The following ZNF366 variants were observed in gnomAD, a reference collection of about 807,000 sequenced individuals.
The protein encoded by ZNF366 is dendritic cell-specific transcript protein.
A neutral mutation model predicts 47.2 loss-of-function variants in ZNF366; 20 were observed. The ratio of observed to expected loss-of-function variants is 0.42; its 90% CI spans 0.30 to 0.62. The LOEUF (loss-of-function observed/expected upper bound fraction) is 0.62. Ranked by LOEUF, ZNF366 falls within the 20% of genes least tolerant of loss-of-function variation. The probability of loss-of-function intolerance (pLI) is 0.16; values close to 1 mark genes in which losing one functional copy is unlikely to be tolerated. For missense variants in ZNF366, 987 were observed against 976.3 expected, an observed-to-expected ratio of 1.01 and a Z score of -0.15; for synonymous variants, 421 against 395.1, an observed-to-expected ratio of 1.07 and a Z score of -0.78.
chr5:72,495,604 G>A (rs748653132), intron 1 of ZNF366, among the ~76,000 whole-genome samples: 2 of 152,200 alleles, frequency 1.3e-5, no homozygotes, highest in Non-Finnish European at 2.9e-5. Context: ...GAACAAAGCC[G>A]TTGGTTGTGA....
intron 3 of ZNF366, among the ~76,000 whole-genome samples, chr5:72,454,502 G>A (rs1227787193): frequency 3.9e-5 from 6 of 152,304 alleles, no homozygotes; most frequent in Non-Finnish European, 7.3e-5. Flanking sequence ...TTTCAGGAAC[G>A]TTTTCTGCCT....
chr5:72,460,493 T>C lies in ZNF366; in HGVS notation c.1004A>G (p.Lys335Arg). ...GCCGCACACGCGGCAGTTGTGCGGC[T>C]TCACCTCGCTGTGCTGCATCATGTG... is the stretch of plus-strand genomic sequence containing the variant. ...KRHMMQHSEV[K>R]PHNCRVCGRG... is the part of the protein sequence containing the mutation. The change falls in exon 2 of 5, where the codon AAG becomes AGG. Residue 335 changes from lysine (K) to arginine (R), a missense_variant. This residue lies in a region of ZNF366 where 591 missense variants were observed against 560.9 expected (regional missense o/e 1.05). Transcript: ENST00000318442. 1.9e-6 allele frequency: 3 copies of C among 1,613,956 alleles called. No homozygotes were observed. The highest frequency in any genetic ancestry group is 2.5e-6 in the Non-Finnish European group (3 of 1,179,962).
intron 1 of ZNF366, among the ~76,000 whole-genome samples, chr5:72,486,784 T>TC (rs779382023): frequency 6.6e-6 from 1 of 152,102 alleles, no homozygotes; most frequent in Non-Finnish European, 1.5e-5. Context: ...ATTTTCCTTT[T>TC]CTTTTTTTTT....
At chr5:72,466,774 A>G (rs773460518) in intron 1 of ZNF366, among the ~76,000 whole-genome samples, 1 of 152,246 alleles carries the variant, frequency 6.6e-6, no homozygotes, top group East Asian at 1.9e-4. Context: ...CAGCACATCT[A>G]TAAGTTATTA....
chr5:72,485,727 A>G (rs1743878029), intron 1 of ZNF366, among the ~76,000 whole-genome samples: 3 of 152,326 alleles, frequency 2.0e-5, no homozygotes, highest in South Asian at 4.1e-4. Flanking sequence ...ATTTCAGAGT[A>G]AAAGCCACAG....
intron 4 of ZNF366, 143 bp from the exon 5 acceptor site, chr5:72,444,434 G>A: frequency 1.0e-6 from 1 of 1,002,262 alleles, no homozygotes; most frequent in Non-Finnish European, 1.4e-6. Flanking sequence ...ATGTGGTCTT[G>A]GGAGGCTTGT....
rs566346096 is a variant in ZNF366 at position 72,485,181 on chromosome 5, A to G, written c.-15+22070T>C. Among the ~76,000 whole-genome samples, 16 of 152,352 alleles carry G rather than the reference A, an allele frequency of 1.1e-4. No homozygotes were observed. In the South Asian group the frequency reaches 3.1e-3, roughly 30 times the overall value. ...AAATGCGGAAAAAATATTTTTCAAC[A>G]TTGACACTCAGCACATGTTAGAGTG... On this transcript the variant is annotated intron_variant, in intron 1 of 4. Transcript: ENST00000318442.
intron 1 of ZNF366, among the ~76,000 whole-genome samples, chr5:72,489,459 CT>C (rs1437323549): frequency 6.6e-6 from 1 of 152,072 alleles, no homozygotes; most frequent in Non-Finnish European, 1.5e-5. Context: ...CTCATCCATC[CT>C]GACTAATATA....
chr5:72,471,061 T>A (rs1743552568), intron 1 of ZNF366, among the ~76,000 whole-genome samples: 2 of 152,220 alleles, frequency 1.3e-5, no homozygotes, highest in African/African-American at 2.4e-5. Context: ...CCCACATTCC[T>A]GCAAATACAG....
At chr5:72,483,038 C>T (rs1743819865) in intron 1 of ZNF366, among the ~76,000 whole-genome samples, 1 of 152,092 alleles carries the variant, frequency 6.6e-6, no homozygotes, top group Non-Finnish European at 1.5e-5. Context: ...TCTGTAGATG[C>T]TGTTTTAAAG....
chr5:72,454,767 C>T (rs185519003), intron 3 of ZNF366, among the ~76,000 whole-genome samples: 5 of 152,260 alleles, frequency 3.3e-5, no homozygotes, highest in Admixed American at 2.6e-4. Flanking sequence ...GACAGTAAAC[C>T]CTTTGCAAGA....
chr5:72,506,453 G>A (rs894421005), intron 1 of ZNF366, among the ~76,000 whole-genome samples: 11 of 152,144 alleles, frequency 7.2e-5, no homozygotes, highest in African/African-American at 2.4e-4. Flanking sequence ...TTGGTGCTTG[G>A]AAAACCAGGC....
In ZNF366 at chr5:72,494,447, A is replaced by T. The variant is rs564339750; in HGVS notation, c.-15+12804T>A. 2.0e-5 allele frequency among the ~76,000 whole-genome samples: 3 copies of T among 152,342 alleles called. No homozygotes were observed. In the East Asian group the frequency reaches 5.8e-4, roughly 29 times the overall value. ...AAATACAGTTCTGATGCAGTTAAGA[A>T]GAGCAGACAGACATGAAAGAATTAT... On this transcript the variant is annotated intron_variant, in intron 1 of 4. Transcript: ENST00000318442.
At chr5:72,483,032 T>C (rs1462001367) in intron 1 of ZNF366, among the ~76,000 whole-genome samples, 3 of 152,158 alleles carry the variant, frequency 2.0e-5, no homozygotes, top group African/African-American at 7.2e-5. Context: ...TCTTTCTCTG[T>C]AGATGCTGTT....
At chr5:72,453,800 G>T (rs1272921635) in intron 3 of ZNF366, among the ~76,000 whole-genome samples, 1 of 152,218 alleles carries the variant, frequency 6.6e-6, no homozygotes, top group Non-Finnish European at 1.5e-5. Context: ...GAGACAGAGG[G>T]CTGTGAGTCA....
At chr5:72,474,962 G>T (rs943649801) in intron 1 of ZNF366, among the ~76,000 whole-genome samples, 6 of 152,060 alleles carry the variant, frequency 3.9e-5, no homozygotes, top group Non-Finnish European at 7.4e-5. Context: ...AAGAAAGGAG[G>T]GGTAGCATAA....
chr5:72,497,902 T>C (rs1251442793), intron 1 of ZNF366, among the ~76,000 whole-genome samples: 1 of 152,222 alleles, frequency 6.6e-6, no homozygotes, highest in African/African-American at 2.4e-5. Context: ...CTATATTTCA[T>C]TTTATGTGAA....
At chr5:72,447,220 G>A in intron 4 of ZNF366, 23 bp downstream of exon 4, 1 of 1,612,756 alleles carries the variant, frequency 6.2e-7, no homozygotes. Flanking sequence ...CTGACTTGCA[G>A]GGCTTCCCAG....
At chr5:72,471,998 C>A (rs1453306337) in intron 1 of ZNF366, among the ~76,000 whole-genome samples, 1 of 152,158 alleles carries the variant, frequency 6.6e-6, no homozygotes, top group Non-Finnish European at 1.5e-5. Context: ...TTTCTTTGGG[C>A]ATACAGTTTT....
Sources: gnomAD v4.1 joint callset for allele counts (sites outside exome capture counted in the v4.1 genomes callset) on GRCh38, gnomAD v4.1.1 for gene constraint, gnomAD v4.1.1 regional missense constraint, MANE v1.5 for transcripts, NCBI Gene and HGNC (gene_info 2026-07-23, HGNC 2026-07-21) for gene names.